TENM2: variants seen among roughly 807,000 people sequenced by gnomAD.
The protein encoded by TENM2 is teneurin-2.
A neutral mutation model predicts 245.2 loss-of-function variants in TENM2; 52 were observed. The observed-to-expected ratio is 0.21, with a 90% CI of 0.17 to 0.27. The LOEUF (loss-of-function observed/expected upper bound fraction) is 0.27. Ranked by LOEUF, TENM2 falls within the 10% of genes least tolerant of loss-of-function variation. The probability of loss-of-function intolerance (pLI) is 1.00; values close to 1 mark genes in which losing one functional copy is unlikely to be tolerated. For missense variants in TENM2, 3,046 were observed against 3,666.8 expected, an observed-to-expected ratio of 0.83 and a Z score of 4.37; for synonymous variants, 1,363 against 1,438.9, an observed-to-expected ratio of 0.95 and a Z score of 1.19.
Position 167,496,100 on chromosome 5 carries a change from A to G in TENM2, c.502+120627A>G, listed in dbSNP as rs189560615. Among the ~76,000 whole-genome samples, 909 of 152,218 alleles carry G rather than the reference A, an allele frequency of 6.0e-3. 10 individuals are homozygous for G. Among genetic ancestry groups the G allele is most frequent in the Non-Finnish European group, 7.2e-3 (489 of 67,978 alleles). ...TTGGAATAGATTTTAAAACAGAACT[A>G]GGACAATCCTTTTAGAAATGAAGTT... is the stretch of plus-strand genomic sequence containing the variant. On this transcript the variant is annotated intron_variant, in intron 2 of 28. Coordinates refer to ENST00000518659, the Ensembl canonical transcript of TENM2.
intron 2 of TENM2, among the ~76,000 whole-genome samples, chr5:167,583,853 G>A (rs1227309075): frequency 6.6e-6 from 1 of 151,984 alleles, no homozygotes; most frequent in African/African-American, 2.4e-5. Flanking sequence ...TTTCCTAACT[G>A]TGGCTTTGCA....
chr5:167,771,282 G>T (rs1458860052), intron 2 of TENM2, among the ~76,000 whole-genome samples: 1 of 152,066 alleles, frequency 6.6e-6, no homozygotes, highest in Non-Finnish European at 1.5e-5. Context: ...CATATAATCA[G>T]ATTAGTTTTG....
upstream of TENM2, among the ~76,000 whole-genome samples, chr5:167,283,432 A>AG (rs1771167404): frequency 6.6e-6 from 1 of 151,946 alleles, no homozygotes; most frequent in South Asian, 2.1e-4. Context: ...AGATTGGGGG[A>AG]GGGGGTCCCT....
intron 2 of TENM2, among the ~76,000 whole-genome samples, chr5:167,711,023 C>G (rs1049952263): frequency 6.6e-6 from 1 of 152,190 alleles, no homozygotes; most frequent in South Asian, 2.1e-4. Context: ...CATGAATCAT[C>G]TTACTGAATC....
chr5:168,165,648 A>ACCCCCCCC lies in TENM2; in HGVS notation c.2569+2900_2569+2907dup, dbSNP rs34203413. Among the ~76,000 whole-genome samples the ACCCCCCCC allele has an allele frequency of 3.1e-3, 97 of 30,938 alleles. 7 individuals are homozygous for ACCCCCCCC. The highest frequency in any genetic ancestry group is 4.3e-3 in the Non-Finnish European group (77 of 17,970). The allele number at this position is 30,938 out of a possible 152,430, so 20.3% of individuals were successfully genotyped here. A position where few individuals can be genotyped will look rare whatever the true frequency, so the allele number is the denominator to read the frequency against. On this transcript the variant is annotated intron_variant, in intron 13 of 28. Transcript: ENST00000518659. ...GGCACAATTCAGGATCCCCCCCCCA[A>ACCCCCCCC]CCCCCCCCCCCCCCCCGGCTGGCAG...
chr5:167,369,860 G>C (rs1760300915), intron 1 of TENM2, among the ~76,000 whole-genome samples: 1 of 152,150 alleles, frequency 6.6e-6, no homozygotes, highest in Admixed American at 6.5e-5. Context: ...GTATTACCAT[G>C]ACATGATAAT....
At chr5:167,884,743 T>A (rs1307815534) in intron 3 of TENM2, among the ~76,000 whole-genome samples, 9 of 152,230 alleles carry the variant, frequency 5.9e-5, no homozygotes. Context: ...GTTTGAGCAC[T>A]TGCTTTGACC....
chr5:167,054,844 T>G, the TENM2 span, among the ~76,000 whole-genome samples: 4 of 152,154 alleles, frequency 2.6e-5, no homozygotes, highest in Non-Finnish European at 5.9e-5. Flanking sequence ...AGGTGTCTGT[T>G]TAAGACTTTA....
intron 2 of TENM2, among the ~76,000 whole-genome samples, chr5:167,498,041 G>C (rs1323305272): frequency 6.6e-6 from 1 of 152,152 alleles, no homozygotes; most frequent in Non-Finnish European, 1.5e-5. Context: ...ACTGACCAAA[G>C]AGTATGAGTT....
chr5:167,483,506 A>G (rs544248678), intron 2 of TENM2, among the ~76,000 whole-genome samples: 2 of 152,354 alleles, frequency 1.3e-5, no homozygotes, highest in Admixed American at 6.5e-5. Flanking sequence ...TTTGAAGCCT[A>G]TAGTTGTTCC....
chr5:167,671,051 A>G (rs896693615), intron 2 of TENM2, among the ~76,000 whole-genome samples: 6 of 151,884 alleles, frequency 4.0e-5, no homozygotes, highest in African/African-American at 1.5e-4. Context: ...TAATCTTGTG[A>G]CTTGTTTCTT....
intron 4 of TENM2, among the ~76,000 whole-genome samples, chr5:167,963,178 G>A (rs1464578472): frequency 1.3e-5 from 2 of 152,150 alleles, no homozygotes; most frequent in Non-Finnish European, 2.9e-5. Context: ...GGCTGCTTCA[G>A]CTGGGTTTTG....
At chr5:167,166,607 C>T in the TENM2 span, among the ~76,000 whole-genome samples, 10 of 151,734 alleles carry the variant, frequency 6.6e-5, no homozygotes, top group Admixed American at 5.9e-4. Context: ...TTTGGGTCAT[C>T]CCTATAAAAA....
chr5:167,876,137 C>A, exon 3 of TENM2: 1 of 1,551,602 alleles, frequency 6.4e-7, no homozygotes, highest in Non-Finnish European at 8.7e-7. Context: ...ATGAGGAATT[C>A]TCCCCCAATT....
intron 5 of TENM2, among the ~76,000 whole-genome samples, chr5:168,011,327 G>A (rs1384849986): frequency 6.6e-6 from 1 of 152,120 alleles, no homozygotes; most frequent in African/African-American, 2.4e-5. Context: ...CCTCACATCA[G>A]CCCTGAGAAC....
the TENM2 span, among the ~76,000 whole-genome samples, chr5:167,182,902 A>C: frequency 6.6e-6 from 1 of 152,160 alleles, no homozygotes; most frequent in Non-Finnish European, 1.5e-5. Flanking sequence ...GCATTTTTAA[A>C]TATTTACAAC....
chr5:167,994,487 A>G (rs730256), intron 5 of TENM2, among the ~76,000 whole-genome samples: 47,946 of 152,186 alleles, frequency 0.32, 7,696 homozygotes, highest in East Asian at 0.37. Context: ...GCAAAGGGGC[A>G]TGACTGTGCA....
intron 2 of TENM2, among the ~76,000 whole-genome samples, chr5:167,566,562 C>A (rs1773919978): frequency 6.6e-6 from 1 of 152,198 alleles, no homozygotes; most frequent in South Asian, 2.1e-4. Context: ...GCAAACAGTG[C>A]AGCACACTGG....
intron 5 of TENM2, among the ~76,000 whole-genome samples, chr5:168,036,221 A>G (rs1357346444): frequency 6.6e-6 from 1 of 152,202 alleles, no homozygotes; most frequent in Non-Finnish European, 1.5e-5. Flanking sequence ...CTGTCATTGC[A>G]ATGCCTTGTA....
Sources: allele counts gnomAD v4.1 joint callset (sites outside exome capture counted in the v4.1 genomes callset), GRCh38; gene constraint gnomAD v4.1.1; transcripts MANE v1.5; gene names NCBI Gene and HGNC (gene_info 2026-07-23, HGNC 2026-07-21).